The following ASIC5 variants were observed in gnomAD, a reference collection of about 807,000 sequenced individuals.
The protein encoded by ASIC5 is bile acid-sensitive ion channel.
Under a neutral mutation model 51.2 loss-of-function variants are expected in ASIC5, and 52 were observed. The observed-to-expected ratio is 1.02, with a 90% CI of 0.81 to 1.28. ASIC5 has a LOEUF of 1.28. Ranked by LOEUF, ASIC5 falls within the 50% of genes most tolerant of loss-of-function variation. The pLI, the probability that ASIC5 is intolerant of heterozygous loss-of-function variation, is 0.00. For synonymous variants in ASIC5, 231 were observed against 200.7 expected (o/e 1.15, Z -1.28); for missense variants, 635 against 595.0 (o/e 1.07, Z -0.70).
At chr4:155,863,850 G>T in intron 1 of ASIC5, 96 bp from the exon 2 acceptor site, 1 of 987,100 alleles carries the variant, frequency 1.0e-6, no homozygotes, top group Non-Finnish European at 1.5e-6. Context: ...AATTTAAAGA[G>T]GTGACTCTTT....
chr4:155,848,782 A>C (rs1002985599), intron 4 of ASIC5, among the ~76,000 whole-genome samples: 1 of 152,094 alleles, frequency 6.6e-6, no homozygotes, highest in African/African-American at 2.4e-5. Flanking sequence ...GGAGAGCTAA[A>C]ATGTTCATGA....
At chr4:155,850,265 C>CA (rs923629942) in intron 4 of ASIC5, among the ~76,000 whole-genome samples, 3 of 151,502 alleles carry the variant, frequency 2.0e-5, no homozygotes, top group South Asian at 4.2e-4. Flanking sequence ...ATCAGAAACT[C>CA]AAAAAAAATG....
chr4:155,834,720 T>G (rs1740938606), intron 8 of ASIC5, among the ~76,000 whole-genome samples: 1 of 152,046 alleles, frequency 6.6e-6, no homozygotes, highest in Non-Finnish European at 1.5e-5. Flanking sequence ...GGCATTTCTG[T>G]TTTTGCATCC....
At chr4:155,848,613 C>T (rs1212322898) in intron 4 of ASIC5, among the ~76,000 whole-genome samples, 1 of 152,002 alleles carries the variant, frequency 6.6e-6, no homozygotes, top group African/African-American at 2.4e-5. Flanking sequence ...TGCCCTAAAA[C>T]CTTTTTTCAT....
rs1190144297 is a variant in ASIC5 at position 155,838,796 on chromosome 4, G to A, written c.1066+17C>T. 2 of 1,517,764 alleles carry A rather than the reference G, an allele frequency of 1.3e-6. No individual in the cohort carries two copies. Among genetic ancestry groups the A allele is most frequent in the Non-Finnish European group, 1.8e-6 (2 of 1,099,436 alleles). 94.0% of individuals were successfully genotyped at this position (1,517,764 alleles called of 1,614,324 possible). ...TTTAATATAAATCCTGAAAATAAAA[G>A]TAAATTAAGCACTTACCAAGTACAG... On this transcript the variant is annotated intron_variant, in intron 7 of 9. Transcript: ENST00000537611.
At chr4:155,852,552 T>C (rs185379742) in intron 3 of ASIC5, among the ~76,000 whole-genome samples, 11 of 151,938 alleles carry the variant, frequency 7.2e-5, no homozygotes, top group African/African-American at 1.2e-4. Context: ...ATTAAGCATG[T>C]ATTTAAAACA....
intron 2 of ASIC5, 110 bp downstream of exon 2, chr4:155,863,338 G>T: frequency 1.2e-6 from 1 of 832,996 alleles, no homozygotes; most frequent in Non-Finnish European, 1.8e-6. Context: ...TTAATTCAGT[G>T]GTTTTACATA....
intron 4 of ASIC5, among the ~76,000 whole-genome samples, chr4:155,845,322 G>A (rs2111243722): frequency 6.8e-6 from 1 of 147,642 alleles, no homozygotes; most frequent in Admixed American, 6.8e-5. Context: ...ATGTGTGCAT[G>A]TTTGTATTTA....
intron 9 of ASIC5, among the ~76,000 whole-genome samples, chr4:155,831,606 C>T (rs1028313023): frequency 6.6e-6 from 1 of 152,062 alleles, no homozygotes; most frequent in Admixed American, 6.5e-5. Flanking sequence ...CCCGTCTCTA[C>T]TAAAAATACA....
chr4:155,843,870 C>T, intron 4 of ASIC5, 40 bp from the exon 5 acceptor site: 1 of 1,603,252 alleles, frequency 6.2e-7, no homozygotes, highest in Non-Finnish European at 8.5e-7. Context: ...TGCAAATTGA[C>T]TATATCAGTT....
At position 155,830,058 on chromosome 4, in the gene ASIC5, C is replaced by A; in HGVS notation, c.1328-12G>T. 14 of 1,491,266 alleles carry A rather than the reference C, an allele frequency of 9.4e-6. No homozygotes were observed. Among genetic ancestry groups the A allele is most frequent in the African/African-American group, 1.5e-5 (1 of 68,824 alleles). The allele number at this position is 1,491,266 out of a possible 1,614,324, so 92.4% of individuals were successfully genotyped here. On this transcript the variant is annotated splice_polypyrimidine_tract_variant and intron_variant, in intron 9 of 9. Transcript: ENST00000537611. Reference sequence around the variant, plus strand: ...ACCACCAAGATCTGCTGTAATAAAACCAATAAAGATTGAATGTCATTATTT... The same window carrying A: ...ACCACCAAGATCTGCTGTAATAAAAACAATAAAGATTGAATGTCATTATTT...
intron 2 of ASIC5, among the ~76,000 whole-genome samples, chr4:155,861,030 A>G (rs1741689991): frequency 6.6e-6 from 1 of 151,726 alleles, no homozygotes; most frequent in African/African-American, 2.4e-5. Flanking sequence ...TTAGGTGTGC[A>G]TTGTTTAATA....
chr4:155,852,321 A>G lies in ASIC5; in HGVS notation c.586-5T>C, dbSNP rs376411748. ...AGTGAAGACATGTGCAAAATCCTCCAATATGTAAATGAACCAAAAAAAACC... is the reference window on the plus strand; with the variant it reads ...AGTGAAGACATGTGCAAAATCCTCCGATATGTAAATGAACCAAAAAAAACC... On this transcript the variant is annotated splice_polypyrimidine_tract_variant and splice_region_variant and intron_variant, in intron 3 of 9. Transcript: ENST00000537611. 2 of 1,581,078 alleles carry G rather than the reference A, an allele frequency of 1.3e-6. No individual in the cohort carries two copies. The highest frequency in any genetic ancestry group is 1.7e-6 in the Non-Finnish European group (2 of 1,170,192).
At chr4:155,858,676 G>A (rs1418038958) in intron 2 of ASIC5, among the ~76,000 whole-genome samples, 1 of 151,962 alleles carries the variant, frequency 6.6e-6, no homozygotes, top group Non-Finnish European at 1.5e-5. Context: ...GGGCAGTAGG[G>A]GAAAAAGGAA....
chr4:155,859,970 T>C (rs1741655225), intron 2 of ASIC5, among the ~76,000 whole-genome samples: 1 of 151,918 alleles, frequency 6.6e-6, no homozygotes, highest in Admixed American at 6.6e-5. Flanking sequence ...GTAGCTAGAG[T>C]GAAGTTCTGC....
At position 155,843,780 on chromosome 4, in the gene ASIC5, G is replaced by C. The variant is rs147601633; in HGVS notation, c.762C>G (p.Ile254Met). 1.0e-4 allele frequency: 161 copies of C among 1,613,656 alleles called. 1 individual carries two copies. In the African/African-American group the frequency reaches 1.8e-3, roughly 18 times the overall value. Residue 254 changes from isoleucine (I) to methionine (M), a missense_variant, in exon 5 of 10, where the codon ATC becomes ATG. By Grantham distance (10) the Ile-to-Met change is conservative (BLOSUM62 1). Coordinates refer to ENST00000537611, the MANE Select transcript of ASIC5 (RefSeq NM_017419.3). ...CCTTCTTTGGTGAATGGATAACAAA[G>C]ATGATCCCAGCATCAACGAAACCAA... ...PALGFVDAGI[I>M]FVIHSPKKVP...
intron 8 of ASIC5, among the ~76,000 whole-genome samples, chr4:155,832,130 C>A (rs543400214): frequency 4.6e-4 from 70 of 152,238 alleles, no homozygotes; most frequent in Middle Eastern, 3.4e-3. Flanking sequence ...TTTTCTGCAC[C>A]TCATTCCTGA....
At chr4:155,832,710 T>C (rs1489450500) in intron 8 of ASIC5, among the ~76,000 whole-genome samples, 1 of 152,170 alleles carries the variant, frequency 6.6e-6, no homozygotes, top group Non-Finnish European at 1.5e-5. Flanking sequence ...GTGTAAATTT[T>C]CACACTCCAT....
At chr4:155,848,379 T>A (rs1741304124) in intron 4 of ASIC5, among the ~76,000 whole-genome samples, 1 of 152,120 alleles carries the variant, frequency 6.6e-6, no homozygotes, top group South Asian at 2.1e-4. Flanking sequence ...TTACTTGGTA[T>A]AAAATTATAC....
Sources: gnomAD v4.1 joint callset for allele counts (sites outside exome capture counted in the v4.1 genomes callset) on GRCh38, gnomAD v4.1.1 for gene constraint, MANE v1.5 for transcripts, NCBI Gene and HGNC (gene_info 2026-07-23, HGNC 2026-07-21) for gene names.